LMO7: variants seen among roughly 807,000 people sequenced by gnomAD.
LMO7 encodes LIM domain only protein 7.
In LMO7, 120 loss-of-function variants were observed where a neutral mutation model predicts 206.5. The observed-to-expected ratio is 0.58, with a 90% CI of 0.50 to 0.68. The LOEUF (loss-of-function observed/expected upper bound fraction) is 0.68. LMO7 is among the 30% of genes least tolerant of loss of function. LMO7 has a pLI of 0.00. For synonymous variants in LMO7, 706 were observed against 681.5 expected, an observed-to-expected ratio of 1.04 and a Z score of -0.56; for missense variants, 1,959 against 1,957.9, an observed-to-expected ratio of 1.00 and a Z score of -0.01.
intron 3 of LMO7, among the ~76,000 whole-genome samples, chr13:75,750,641 C>A (rs1421009728): frequency 6.6e-6 from 1 of 152,104 alleles, no homozygotes; most frequent in Non-Finnish European, 1.5e-5. Flanking sequence ...GGAGTTGAGC[C>A]CTGCCTTGGC....
chr13:75,702,077 G>A (rs764393750), intron 1 of LMO7, among the ~76,000 whole-genome samples: 6 of 152,066 alleles, frequency 3.9e-5, no homozygotes, highest in Non-Finnish European at 5.9e-5. Context: ...GCTTCTTCTC[G>A]TGGACTAGAA....
intron 1 of LMO7, among the ~76,000 whole-genome samples, chr13:75,653,219 A>C (rs2037749608): frequency 6.6e-6 from 1 of 152,250 alleles, no homozygotes; most frequent in African/African-American, 2.4e-5. Context: ...TGAATATCTA[A>C]GTTCCAGTCA....
intron 1 of LMO7, among the ~76,000 whole-genome samples, chr13:75,698,812 T>C (rs994672143): frequency 6.6e-6 from 1 of 152,164 alleles, no homozygotes; most frequent in Admixed American, 6.5e-5. Context: ...TAAAAAAACA[T>C]TTATTGAGAT....
chr13:75,657,288 G>C (rs867696027), intron 1 of LMO7, among the ~76,000 whole-genome samples: 3 of 152,146 alleles, frequency 2.0e-5, no homozygotes, highest in Admixed American at 6.5e-5. Flanking sequence ...TCTGTTGTTC[G>C]AAGTCACTGA....
chr13:75,844,415 CTT>C (rs1235578609), intron 25 of LMO7, among the ~76,000 whole-genome samples: 4 of 142,730 alleles, frequency 2.8e-5, no homozygotes, highest in Non-Finnish European at 3.1e-5. Flanking sequence ...TTGTTTTTTT[CTT>C]TTTTTTTTTT....
chr13:75,731,359 A>T (rs1430834497), intron 3 of LMO7, among the ~76,000 whole-genome samples: 1 of 152,042 alleles, frequency 6.6e-6, no homozygotes, highest in Non-Finnish European at 1.5e-5. Context: ...CTTCTTGTTG[A>T]ATTGATCCCT....
chr13:75,700,698 A>C (rs895559255), intron 1 of LMO7, among the ~76,000 whole-genome samples: 1 of 152,212 alleles, frequency 6.6e-6, no homozygotes, highest in African/African-American at 2.4e-5. Flanking sequence ...GCCGATCTGC[A>C]AACCAAGAAG....
chr13:75,661,832 T>C (rs147098761), intron 1 of LMO7, among the ~76,000 whole-genome samples: 1 of 152,354 alleles, frequency 6.6e-6, no homozygotes, highest in East Asian at 1.9e-4. Context: ...TTAAAGATTC[T>C]TAACCATTCT....
At chr13:75,677,652 T>TTA (rs773280619) in intron 1 of LMO7, among the ~76,000 whole-genome samples, 11 of 151,570 alleles carry the variant, frequency 7.3e-5, no homozygotes, top group South Asian at 2.1e-4. Context: ...CTTTTTTTTT[T>TTA]TTATTATACT....
chr13:75,687,293 T>A (rs2041095010), intron 1 of LMO7, among the ~76,000 whole-genome samples: 1 of 152,192 alleles, frequency 6.6e-6, no homozygotes, highest in Non-Finnish European at 1.5e-5. Context: ...CTTGGGTGAC[T>A]GGAATACAGG....
At chr13:75,777,025 C>G (rs183500710) in intron 4 of LMO7, among the ~76,000 whole-genome samples, 2 of 152,170 alleles carry the variant, frequency 1.3e-5, no homozygotes, top group African/African-American at 2.4e-5. Flanking sequence ...GGTGAGGTGG[C>G]GTTTGCAATG....
intron 20 of LMO7, 38 bp from the exon 21 acceptor site, chr13:75,840,047 T>C (rs183899249): frequency 1.7e-4 from 264 of 1,599,110 alleles, no homozygotes; most frequent in Middle Eastern, 1.5e-3. Context: ...AGACTTATAT[T>C]GTATATTTTT....
At chr13:75,821,929 T>C (rs554180809) in intron 14 of LMO7, among the ~76,000 whole-genome samples, 18 of 152,154 alleles carry the variant, frequency 1.2e-4, no homozygotes, top group Non-Finnish European at 1.8e-4. Context: ...GGTTGAAAAA[T>C]ATGAAGTTGT....
chr13:75,720,047 G>C (rs1046771213), intron 2 of LMO7, among the ~76,000 whole-genome samples: 1 of 152,160 alleles, frequency 6.6e-6, no homozygotes, highest in Non-Finnish European at 1.5e-5. Flanking sequence ...TAAATGTGTA[G>C]TGGTATCTCA....
chr13:75,776,198 TATATATAAC>T, intron 4 of LMO7, among the ~76,000 whole-genome samples: 1 of 104,778 alleles, frequency 9.5e-6, no homozygotes, highest in Non-Finnish European at 2.0e-5. Flanking sequence ...TATATATATA[TATATATAAC>T]GTTAAGTCGT....
chr13:75,806,312 C>T (rs2055456709), intron 9 of LMO7: 2 of 903,698 alleles, frequency 2.2e-6, no homozygotes, highest in Non-Finnish European at 2.6e-6. Flanking sequence ...CTCAGACAAC[C>T]CTCTGCCTGC....
chr13:75,797,308 A>G (rs949475320), intron 6 of LMO7, among the ~76,000 whole-genome samples: 1 of 152,174 alleles, frequency 6.6e-6, no homozygotes, highest in Non-Finnish European at 1.5e-5. Flanking sequence ...TTTTATACAC[A>G]TTTCTAGTCA....
chr13:75,845,014 A>C (rs2059875930), intron 25 of LMO7, among the ~76,000 whole-genome samples: 1 of 152,148 alleles, frequency 6.6e-6, no homozygotes, highest in Non-Finnish European at 1.5e-5. Flanking sequence ...TAGGACTGAG[A>C]TCTGGACCAG....
intron 15 of LMO7, among the ~76,000 whole-genome samples, chr13:75,831,878 C>T (rs1384741313): frequency 2.0e-5 from 3 of 152,152 alleles, no homozygotes; most frequent in Admixed American, 1.3e-4. Context: ...ATCACATCCA[C>T]ACCATAGCAA....
Sources: allele counts gnomAD v4.1 joint callset (sites outside exome capture counted in the v4.1 genomes callset), GRCh38; gene constraint gnomAD v4.1.1; transcripts MANE v1.5; gene names NCBI Gene and HGNC (gene_info 2026-07-23, HGNC 2026-07-21).